TTC27: variants seen among roughly 807,000 people sequenced by gnomAD.
TTC27 encodes the protein tetratricopeptide repeat domain 27.
TTC27 carries 79 observed loss-of-function variants against 115.9 expected under a neutral mutation model. The ratio of observed to expected loss-of-function variants is 0.68; its 90% CI spans 0.57 to 0.82. The LOEUF is 0.82. Among genes scored for constraint, TTC27 ranks in the 40% least tolerant of loss-of-function variants. The pLI is 0.00. For synonymous variants in TTC27, 401 were observed against 356.0 expected, an observed-to-expected ratio of 1.13 and a Z score of -1.42; for missense variants, 1,054 against 993.1, an observed-to-expected ratio of 1.06 and a Z score of -0.82.
At chr2:32,634,121 A>T in intron 3 of TTC27, 116 bp downstream of exon 3, 1 of 1,196,778 alleles carries the variant, frequency 8.4e-7, no homozygotes, top group Non-Finnish European at 1.1e-6. Flanking sequence ...TGGTTTGCAC[A>T]AAAGTACTAA....
intron 4 of TTC27, among the ~76,000 whole-genome samples, chr2:32,649,888 T>A (rs1314113626): frequency 6.6e-6 from 1 of 151,504 alleles, no homozygotes; most frequent in Admixed American, 6.6e-5. Flanking sequence ...CAAAATGGCA[T>A]AAGGAAGTCC....
chr2:32,665,831 C>T (rs1392114476), intron 6 of TTC27, among the ~76,000 whole-genome samples: 4 of 152,134 alleles, frequency 2.6e-5, no homozygotes, highest in Non-Finnish European at 5.9e-5. Context: ...TCGGAGGTTG[C>T]AGTGAGCTGA....
rs1665039868 is a variant in TTC27 at position 32,650,182 on chromosome 2, G to A, written c.589G>A (p.Glu197Lys). The change falls in exon 5 of 20, where the codon GAG (glutamate) becomes AAG (lysine). Residue 197 changes from glutamate to lysine, a missense_variant. Coordinates refer to ENST00000317907, the MANE Select transcript of TTC27 (RefSeq NM_017735.5). ...TGTGAATATTCATCAGCATTTGCTTGAGGAACGCTCACCTCTGCTTTTTAC... is the reference window on the plus strand; with the variant it reads ...TGTGAATATTCATCAGCATTTGCTTAAGGAACGCTCACCTCTGCTTTTTAC... ...RCVNIHQHLL[E>K]ERSPLLFTLA... is the part of the protein sequence containing the mutation. The A allele has an allele frequency of 1.2e-6, 2 of 1,613,894 alleles. No homozygotes were observed. Among genetic ancestry groups the A allele is most frequent in the African/African-American group, 1.3e-5 (1 of 75,022 alleles).
In TTC27 at chr2:32,687,971, T is replaced by C. The variant is rs921621395; in HGVS notation, c.1119+9049T>C. Among the ~76,000 whole-genome samples the C allele has an allele frequency of 2.6e-5, 4 of 152,314 alleles. No homozygotes were observed. The South Asian group carries it at 6.2e-4, about 24-fold the overall frequency. ...TTTGACTGAATTGATGTTTATGGAA[T>C]ACACTTGGAATACATGGTGTTTTCA... is the stretch of plus-strand genomic sequence containing the variant. On this transcript the variant is annotated intron_variant, in intron 9 of 19. Coordinates refer to ENST00000317907, the MANE Select transcript of TTC27 (RefSeq NM_017735.5).
At chr2:32,676,587 G>T (rs184706460) in intron 8 of TTC27, among the ~76,000 whole-genome samples, 308 of 151,110 alleles carry the variant, frequency 2.0e-3, no homozygotes, top group African/African-American at 6.8e-3. Flanking sequence ...TGCGTCCTGG[G>T]TTCAAGCAGT....
intron 10 of TTC27, among the ~76,000 whole-genome samples, chr2:32,709,844 T>C (rs78208924): frequency 0.032 from 4,904 of 152,300 alleles, 119 homozygotes; most frequent in Non-Finnish European, 0.042. Flanking sequence ...TCTTCAATTA[T>C]GGTGGATTAT....
intron 5 of TTC27, among the ~76,000 whole-genome samples, chr2:32,660,525 C>A (rs181757765): frequency 3.7e-4 from 56 of 151,974 alleles, no homozygotes; most frequent in Middle Eastern, 6.8e-3. Flanking sequence ...CATGTTCTCA[C>A]TCATAAGTGG....
At chr2:32,779,315 G>T (rs150882425) in intron 14 of TTC27, among the ~76,000 whole-genome samples, 199 of 152,214 alleles carry the variant, frequency 1.3e-3, no homozygotes, top group African/African-American at 4.6e-3. Flanking sequence ...GACAACACTT[G>T]TTACTAGCTG....
intron 18 of TTC27, among the ~76,000 whole-genome samples, chr2:32,815,573 T>C (rs1671476146): frequency 6.6e-6 from 1 of 152,138 alleles, no homozygotes; most frequent in Non-Finnish European, 1.5e-5. Context: ...TCTATCTCAG[T>C]CTATAATGCC....
intron 16 of TTC27, among the ~76,000 whole-genome samples, chr2:32,804,300 G>A (rs1269735994): frequency 6.6e-6 from 1 of 151,974 alleles, no homozygotes; most frequent in African/African-American, 2.4e-5. Flanking sequence ...CATTTATCTC[G>A]AGTCTTAAAA....
intron 12 of TTC27, among the ~76,000 whole-genome samples, chr2:32,743,076 C>G (rs1311402006): frequency 6.6e-6 from 1 of 152,088 alleles, no homozygotes; most frequent in African/African-American, 2.4e-5. Flanking sequence ...GGTGCCATCT[C>G]TGGGTCTAGA....
At chr2:32,758,061 T>C (rs1434373116) in intron 12 of TTC27, among the ~76,000 whole-genome samples, 2 of 152,206 alleles carry the variant, frequency 1.3e-5, no homozygotes, top group Non-Finnish European at 2.9e-5. Context: ...TATTGCAGTA[T>C]TCACTTTATT....
chr2:32,662,901 C>G (rs764395272), intron 5 of TTC27, among the ~76,000 whole-genome samples: 11 of 152,144 alleles, frequency 7.2e-5, no homozygotes, highest in Non-Finnish European at 1.0e-4. Flanking sequence ...CCTGCTTTCT[C>G]CTATGAGCAT....
intron 13 of TTC27, among the ~76,000 whole-genome samples, chr2:32,774,559 A>G (rs948443754): frequency 1.3e-5 from 2 of 152,118 alleles, no homozygotes; most frequent in Admixed American, 1.3e-4. Flanking sequence ...AGATTTTTGT[A>G]CCCAAACATA....
chr2:32,742,476 C>G (rs1389005712), intron 12 of TTC27, among the ~76,000 whole-genome samples: 3 of 152,190 alleles, frequency 2.0e-5, no homozygotes, highest in Non-Finnish European at 4.4e-5. Context: ...ACACATATAA[C>G]TGTGAAAAAC....
chr2:32,776,364 C>T (rs768144344), intron 13 of TTC27, among the ~76,000 whole-genome samples: 4 of 152,152 alleles, frequency 2.6e-5, no homozygotes, highest in Non-Finnish European at 4.4e-5. Context: ...GATGTAGAGG[C>T]AGCCTCCTAC....
At chr2:32,752,621 A>G (rs1669057293) in intron 12 of TTC27, among the ~76,000 whole-genome samples, 1 of 152,222 alleles carries the variant, frequency 6.6e-6, no homozygotes. Context: ...CCTGTAAATT[A>G]ACAAAATCAG....
chr2:32,638,936 C>T (rs1016536003), intron 3 of TTC27, among the ~76,000 whole-genome samples: 9 of 151,886 alleles, frequency 5.9e-5, no homozygotes, highest in Non-Finnish European at 1.0e-4. Flanking sequence ...GGGTTCACAA[C>T]ATTCTCCTGC....
intron 13 of TTC27, among the ~76,000 whole-genome samples, chr2:32,769,232 G>A (rs1281243746): frequency 6.6e-6 from 1 of 152,308 alleles, no homozygotes; most frequent in Non-Finnish European, 1.5e-5. Flanking sequence ...TGGTCAGAGG[G>A]ATAGAAGGAA....
Sources: gnomAD v4.1 joint callset for allele counts (sites outside exome capture counted in the v4.1 genomes callset) on GRCh38, gnomAD v4.1.1 for gene constraint, MANE v1.5 for transcripts, NCBI Gene and HGNC (gene_info 2026-07-23, HGNC 2026-07-21) for gene names.